PIEZO1: variants seen among roughly 807,000 people sequenced by gnomAD.
The protein encoded by PIEZO1 is piezo-type mechanosensitive ion channel component 1.
A neutral mutation model predicts 297.2 loss-of-function variants in PIEZO1; 296 were observed. The ratio of observed to expected loss-of-function variants is 1.00; its 90% confidence interval spans 0.91 to 1.10. The LOEUF is 1.10. Ranked by LOEUF, PIEZO1 falls within the 50% of genes least tolerant of loss-of-function variation. The pLI is 0.00. For missense variants in PIEZO1, 5,018 were observed against 3,455.5 expected (o/e 1.45, Z -11.34); for synonymous variants, 2,427 against 1,507.5 (o/e 1.61, Z -14.13).
rs565418653 is a variant in PIEZO1 at position 88,722,202 on chromosome 16, C to A, written c.4955+16G>T. 3.2e-6 allele frequency: 5 copies of A among 1,541,006 alleles called. No homozygotes were observed. In the African/African-American group the frequency reaches 6.8e-5, roughly 21 times the overall value. On this transcript the variant is annotated intron_variant, in intron 36 of 50. Transcript: ENST00000301015. ...GGGCCATGGTGAGGCTGGTGTTGTGCGCGTCCCGCCCCCACCTGTCCAGGA... is the reference window on the plus strand; with the variant it reads ...GGGCCATGGTGAGGCTGGTGTTGTGAGCGTCCCGCCCCCACCTGTCCAGGA...
At chr16:88,720,831 A>T in intron 39 of PIEZO1, 83 bp from the exon 40 acceptor site, 1 of 1,377,304 alleles carries the variant, frequency 7.3e-7, no homozygotes. Flanking sequence ...AGAGGCTGGC[A>T]TTCTCCCTGT....
rs111725159 is a variant in PIEZO1 at position 88,738,865 on chromosome 16, C to T, written c.466-129G>A. On this transcript the variant is annotated intron_variant, in intron 5 of 50. Coordinates refer to ENST00000301015, the MANE Select transcript of PIEZO1 (RefSeq NM_001142864.4). ...AGCTGCTCCTCTGAGGGCCACAGGA[C>T]AGCCTCCCCGGGCACAGGCCCCAGC... 2.5e-3 allele frequency: 2,047 copies of T among 812,928 alleles called. 36 individuals are homozygous for T. In the African/African-American group the frequency reaches 0.03, roughly 12 times the overall value. The allele number at this position is 812,928 out of a possible 1,614,324, so 50.4% of individuals were successfully genotyped here.
chr16:88,726,506 G>T (rs531537471), intron 26 of PIEZO1, 41 bp downstream of exon 26: 1 of 1,546,166 alleles, frequency 6.5e-7, no homozygotes, highest in South Asian at 1.2e-5. Flanking sequence ...GGAGCAGGGG[G>T]CTTCCCCACG....
At chr16:88,734,330 G>T in intron 16 of PIEZO1, 26 bp downstream of exon 16, 1 of 1,488,960 alleles carries the variant, frequency 6.7e-7, no homozygotes, top group Non-Finnish European at 9.0e-7. Context: ...CCTCTCCAGG[G>T]CCGGACAGGG....
At position 88,726,856 on chromosome 16, in the gene PIEZO1, C is replaced by T; in HGVS notation, c.3558G>A (p.Gly1186=). Residue 1186 remains glycine (G), a synonymous_variant, in exon 25 of 51, where the codon GGG becomes GGA. Transcript: ENST00000301015. The part of the protein sequence containing the change: ...VTGATRISIF[G]LGYLLACFYL... ...AGAAGCAGGCCAGCAGGTAGCCCAG[C>T]CCGAAGATGCTGATGCGGGTGGCCC... 1 of 1,550,408 alleles carries T rather than the reference C, an allele frequency of 6.4e-7. No individual in the cohort carries two copies. The highest frequency in any genetic ancestry group is 8.7e-7 in the Non-Finnish European group (1 of 1,146,930).
intron 1 of PIEZO1, among the ~76,000 whole-genome samples, chr16:88,767,751 C>T (rs913818380): frequency 7.9e-5 from 12 of 152,198 alleles, no homozygotes; most frequent in Admixed American, 7.2e-4. Flanking sequence ...CAAGCCAGAA[C>T]ATCTCCGCTG....
chr16:88,757,934 C>A (rs948642254), intron 1 of PIEZO1, among the ~76,000 whole-genome samples: 1 of 152,204 alleles, frequency 6.6e-6, no homozygotes, highest in African/African-American at 2.4e-5. Context: ...AGACTCCAGC[C>A]AGCCTCAGAA....
At chr16:88,761,294 G>A (rs1056655563) in intron 1 of PIEZO1, among the ~76,000 whole-genome samples, 1 of 152,236 alleles carries the variant, frequency 6.6e-6, no homozygotes, top group African/African-American at 2.4e-5. Context: ...GCACACAGAG[G>A]CTGCAGGAGG....
intron 1 of PIEZO1, among the ~76,000 whole-genome samples, chr16:88,769,370 T>C (rs954528605): frequency 2.6e-5 from 4 of 152,250 alleles, no homozygotes; most frequent in East Asian, 1.9e-4. Flanking sequence ...TCAATAATTC[T>C]GGCTTCTGAC....
At chr16:88,722,543 CA>C (rs756939120) in intron 35 of PIEZO1, 39 bp downstream of exon 35, 2 of 1,457,060 alleles carry the variant, frequency 1.4e-6, no homozygotes, top group East Asian at 2.5e-5. Flanking sequence ...GCCCACACAC[CA>C]GGGGCAGCAG....
At position 88,722,607 on chromosome 16, in the gene PIEZO1, G is replaced by A; in HGVS notation, c.4751C>T (p.Pro1584Leu). Residue 1584 changes from proline to leucine, a missense_variant, in exon 35 of 51, where the codon CCC becomes CTC. Coordinates refer to ENST00000301015, the MANE Select transcript of PIEZO1 (RefSeq NM_001142864.4). ...CCTGGACACGGTGCTTGGGGCATTGGGGGCCTCGGTGGGGCCTGGCAGCGT... is the reference window on the plus strand; with the variant it reads ...CCTGGACACGGTGCTTGGGGCATTGAGGGCCTCGGTGGGGCCTGGCAGCGT... The part of the protein sequence containing the change: ...EATLPGPTEA[P>L]NAPSTVSSGL... 4 of 1,537,714 alleles carry A rather than the reference G, an allele frequency of 2.6e-6. No individual in the cohort carries two copies. The highest frequency in any genetic ancestry group is 3.5e-6 in the Non-Finnish European group (4 of 1,145,214).
intron 1 of PIEZO1, among the ~76,000 whole-genome samples, chr16:88,768,742 G>C (rs1907291269): frequency 6.6e-6 from 1 of 152,236 alleles, no homozygotes; most frequent in Non-Finnish European, 1.5e-5. Context: ...CCCCACCCCT[G>C]CAGCCTCAGC....
chr16:88,723,998 G>C (rs1404495245), intron 30 of PIEZO1, 27 bp from the exon 31 acceptor site: 2 of 1,372,858 alleles, frequency 1.5e-6, no homozygotes, highest in African/African-American at 2.9e-5. Context: ...CTGAGAGCCA[G>C]CCTTCCATGC....
intron 27 of PIEZO1, 72 bp from the exon 28 acceptor site, chr16:88,725,756 C>CGCTCAGCCCGGGACA: frequency 3.7e-6 from 3 of 812,540 alleles, no homozygotes; most frequent in Middle Eastern, 2.7e-4. Context: ...CGCCGCTCCC[C>CGCTCAGCCCGGGACA]GCTCAGCCCG....
chr16:88,756,482 C>T (rs926436004), intron 1 of PIEZO1, among the ~76,000 whole-genome samples: 2 of 152,164 alleles, frequency 1.3e-5, no homozygotes, highest in African/African-American at 2.4e-5. Flanking sequence ...GGCCGGGCAC[C>T]GTGGCTCACG....
intron 22 of PIEZO1, chr16:88,731,232 G>C (rs548253809): frequency 5.9e-6 from 1 of 170,810 alleles, no homozygotes; most frequent in South Asian, 1.3e-4. Flanking sequence ...TGGCCACAAA[G>C]AAGGGTGCTG....
intron 36 of PIEZO1, 64 bp downstream of exon 36, chr16:88,722,154 G>T (rs1904284015): frequency 2.6e-6 from 4 of 1,522,174 alleles, no homozygotes; most frequent in East Asian, 2.5e-5. Context: ...TCAGTCTCCT[G>T]CCCCTGTTCG....
intron 1 of PIEZO1, 75 bp from the exon 2 acceptor site, chr16:88,749,554 G>T: frequency 8.9e-7 from 1 of 1,123,468 alleles, no homozygotes; most frequent in Non-Finnish European, 1.3e-6. Flanking sequence ...GCGCACCCAC[G>T]GCCCAGCTCG....
chr16:88,727,336 G>T, intron 23 of PIEZO1, 144 bp from the exon 24 acceptor site: 1 of 966,032 alleles, frequency 1.0e-6, no homozygotes, highest in Non-Finnish European at 1.5e-6. Flanking sequence ...GTGGCCGGGT[G>T]TCCCTGGGGG....
Sources: gnomAD v4.1 joint callset for allele counts (sites outside exome capture counted in the v4.1 genomes callset) on GRCh38, gnomAD v4.1.1 for gene constraint, MANE v1.5 for transcripts, NCBI Gene and HGNC (gene_info 2026-07-23, HGNC 2026-07-21) for gene names.